The following CTNNA2 variants were observed in gnomAD, a reference collection of about 807,000 sequenced individuals.
CTNNA2 encodes the protein catenin alpha 2.
In CTNNA2, 42 loss-of-function variants were observed where a neutral mutation model predicts 101.0. The ratio of observed to expected loss-of-function variants is 0.42; its 90% CI spans 0.32 to 0.54. CTNNA2 has a LOEUF of 0.54. Among genes scored for constraint, CTNNA2 ranks in the 20% least tolerant of loss-of-function variants. The pLI is 0.14. For missense variants in CTNNA2, 871 were observed against 1,223.1 expected, an observed-to-expected ratio of 0.71 and a Z score of 4.29; for synonymous variants, 450 against 456.4, an observed-to-expected ratio of 0.99 and a Z score of 0.18.
intron 7 of CTNNA2, among the ~76,000 whole-genome samples, chr2:80,335,999 A>T (rs1469411465): frequency 6.6e-6 from 1 of 152,178 alleles, no homozygotes; most frequent in Non-Finnish European, 1.5e-5. Flanking sequence ...CCTGCATTTT[A>T]TTATGAAAAC....
intron 7 of CTNNA2, among the ~76,000 whole-genome samples, chr2:80,218,596 A>G (rs1018881717): frequency 6.6e-6 from 1 of 152,148 alleles, no homozygotes; most frequent in African/African-American, 2.4e-5. Flanking sequence ...CATATTCCTT[A>G]CCCTCTATTA....
chr2:80,264,396 TCAC>T (rs1442072173), intron 7 of CTNNA2, among the ~76,000 whole-genome samples: 4 of 152,208 alleles, frequency 2.6e-5, no homozygotes, highest in Admixed American at 6.5e-5. Context: ...ATTTGTGTCT[TCAC>T]CAATCACACA....
chr2:80,182,450 C>T (rs891301969), intron 7 of CTNNA2, among the ~76,000 whole-genome samples: 2 of 152,214 alleles, frequency 1.3e-5, no homozygotes, highest in Non-Finnish European at 1.5e-5. Context: ...TGGCAATACC[C>T]TCACAGACAC....
chr2:80,507,674 A>G (rs1688380890), intron 9 of CTNNA2, among the ~76,000 whole-genome samples: 1 of 152,172 alleles, frequency 6.6e-6, no homozygotes. Context: ...GCTCACTGTC[A>G]GGAACTAAGG....
intron 4 of CTNNA2, among the ~76,000 whole-genome samples, chr2:79,382,270 G>C (rs6547236): frequency 0.71 from 107,478 of 151,760 alleles, 38,864 homozygotes; most frequent in South Asian, 0.82. Flanking sequence ...GCTTGGACTG[G>C]AACTACCCCC....
intron 3 of CTNNA2, among the ~76,000 whole-genome samples, chr2:79,810,371 A>C (rs1676916072): frequency 6.6e-6 from 1 of 152,054 alleles, no homozygotes; most frequent in African/African-American, 2.4e-5. Flanking sequence ...ATTGACTACT[A>C]CTAGGAGAAC....
intron 1 of CTNNA2, among the ~76,000 whole-genome samples, chr2:79,647,016 A>C (rs1680869380): frequency 6.6e-6 from 1 of 152,144 alleles, no homozygotes; most frequent in East Asian, 1.9e-4. Flanking sequence ...GTAAAATATA[A>C]ATTTTTACTT....
At chr2:80,623,048 TAAAAAAA>T (rs367889797) in intron 18 of CTNNA2, among the ~76,000 whole-genome samples, 2 of 121,600 alleles carry the variant, frequency 1.6e-5, no homozygotes, top group Admixed American at 8.7e-5. Flanking sequence ...CGCTAGTTTC[TAAAAAAA>T]AAAAAAAAAA....
At chr2:79,615,137 T>C (rs1678532691) in intron 1 of CTNNA2, among the ~76,000 whole-genome samples, 1 of 152,202 alleles carries the variant, frequency 6.6e-6, no homozygotes, top group African/African-American at 2.4e-5. Flanking sequence ...TATAGCCCTC[T>C]TCTTTAATTG....
At chr2:80,265,257 G>C (rs1476916057) in intron 7 of CTNNA2, among the ~76,000 whole-genome samples, 1 of 152,170 alleles carries the variant, frequency 6.6e-6, no homozygotes, top group African/African-American at 2.4e-5. Context: ...TTACAGGCGT[G>C]AGCCACTCCT....
intron 4 of CTNNA2, among the ~76,000 whole-genome samples, chr2:79,464,209 A>G (rs575004526): frequency 1.2e-4 from 18 of 151,984 alleles, no homozygotes; most frequent in Non-Finnish European, 2.5e-4. Context: ...TTCAATTCCC[A>G]CCTATGAGTG....
chr2:80,133,875 C>G (rs189201420), intron 7 of CTNNA2, among the ~76,000 whole-genome samples: 1 of 152,224 alleles, frequency 6.6e-6, no homozygotes, highest in African/African-American at 2.4e-5. Flanking sequence ...TTAAGACAGA[C>G]TATATGTACT....
chr2:80,280,515 AC>A (rs1045027495), intron 7 of CTNNA2, among the ~76,000 whole-genome samples: 10 of 151,786 alleles, frequency 6.6e-5, no homozygotes, highest in African/African-American at 2.4e-4. Context: ...GGGATGGCTA[AC>A]CTTGGACCTC....
At chr2:80,350,712 G>A (rs1173061608) in intron 7 of CTNNA2, among the ~76,000 whole-genome samples, 1 of 152,134 alleles carries the variant, frequency 6.6e-6, no homozygotes, top group Non-Finnish European at 1.5e-5. Flanking sequence ...TTTGAACTCT[G>A]GCATTGCCTT....
rs149428636 is a variant in CTNNA2 at position 79,951,194 on chromosome 2, A to C, written c.1056+41397A>C. On this transcript the variant is annotated intron_variant, in intron 7 of 18. Transcript: ENST00000402739. ...TAAAGTCTATTATCCATTCTCCTGC[A>C]ATAATAGTTCTTAATTTAGCCATAT... 1.4e-3 allele frequency among the ~76,000 whole-genome samples: 216 copies of C among 152,360 alleles called. 1 individual carries two copies. Among genetic ancestry groups the C allele is most frequent in the African/African-American group, 4.8e-3 (201 of 41,590 alleles).
At chr2:80,422,105 T>C (rs1680577460) in intron 9 of CTNNA2, among the ~76,000 whole-genome samples, 1 of 152,162 alleles carries the variant, frequency 6.6e-6, no homozygotes, top group Admixed American at 6.5e-5. Flanking sequence ...ACTGGGTAAT[T>C]TATAAATGAA....
At chr2:79,284,774 T>A (rs185404042) in intron 2 of CTNNA2, among the ~76,000 whole-genome samples, 16,159 of 150,128 alleles carry the variant, frequency 0.11, 913 homozygotes, top group Non-Finnish European at 0.12. Context: ...GCTGGCCTCA[T>A]CAAATGAGTT....
At chr2:79,635,652 C>T (rs576850203) in intron 1 of CTNNA2, among the ~76,000 whole-genome samples, 11 of 150,536 alleles carry the variant, frequency 7.3e-5, no homozygotes, top group African/African-American at 2.2e-4. Flanking sequence ...TACAGGCGCC[C>T]GCCACCACTC....
intron 3 of CTNNA2, among the ~76,000 whole-genome samples, chr2:79,329,974 G>C (rs571085117): frequency 2.0e-5 from 3 of 152,130 alleles, no homozygotes; most frequent in Non-Finnish European, 4.4e-5. Flanking sequence ...AACATGACAG[G>C]CTTCAGGGAT....
Sources: gnomAD v4.1 joint callset for allele counts (sites outside exome capture counted in the v4.1 genomes callset) on GRCh38, gnomAD v4.1.1 for gene constraint, MANE v1.5 for transcripts, NCBI Gene and HGNC (gene_info 2026-07-23, HGNC 2026-07-21) for gene names.